GRHL2: variants seen among roughly 807,000 people sequenced by gnomAD.
GRHL2 encodes grainyhead like transcription factor 2.
In GRHL2, 21 loss-of-function variants were observed where a neutral mutation model predicts 83.8. The ratio of observed to expected loss-of-function variants is 0.25; its 90% CI spans 0.18 to 0.36. The LOEUF (loss-of-function observed/expected upper bound fraction) is 0.36, where lower values mean the gene tolerates loss of function less well. Ranked by LOEUF, GRHL2 falls within the 10% of genes least tolerant of loss-of-function variation. GRHL2 has a pLI of 1.00. For missense variants in GRHL2, 623 were observed against 781.8 expected, an observed-to-expected ratio of 0.80 and a Z score of 2.42; for synonymous variants, 280 against 278.9, an observed-to-expected ratio of 1.00 and a Z score of -0.04.
In GRHL2 at chr8:101,533,549, T is replaced by C. The variant is rs568781607; in HGVS notation, c.21-9692T>C. The stretch of plus-strand genomic sequence containing the variant: ...AGCGGAGGTAGACACACAAGGAACA[T>C]TGACCATAATAAAAAAGTAAGTTAC... On this transcript the variant is annotated intron_variant, in intron 1 of 15. Coordinates refer to ENST00000646743, the MANE Select transcript of GRHL2 (RefSeq NM_024915.4). Among the ~76,000 whole-genome samples, 100 of 152,280 alleles carry C rather than the reference T, an allele frequency of 6.6e-4. 2 individuals are homozygous for C. The South Asian group carries it at 0.019, about 30-fold the overall frequency.
At chr8:101,513,328 G>C (rs756569181) in intron 1 of GRHL2, among the ~76,000 whole-genome samples, 14 of 152,094 alleles carry the variant, frequency 9.2e-5, no homozygotes, top group Admixed American at 2.0e-4. Flanking sequence ...ATAATAGTGA[G>C]AGATCTTGCC....
chr8:101,564,940 T>C (rs1031169457), intron 4 of GRHL2, among the ~76,000 whole-genome samples: 8 of 152,100 alleles, frequency 5.3e-5, no homozygotes, highest in Non-Finnish European at 7.4e-5. Flanking sequence ...TTAGGCACTG[T>C]GGTGATGTGG....
Position 101,666,837 on chromosome 8 carries a change from G to A in GRHL2, c.*134G>A. 1.4e-6 allele frequency: 1 copy of A among 714,270 alleles called. No individual in the cohort carries two copies. The highest frequency in any genetic ancestry group is 2.6e-6 in the Non-Finnish European group (1 of 389,370). 44.2% of individuals were successfully genotyped at this position (714,270 alleles called of 1,614,324 possible). ...TGCTGTTACAAGACCGTGCTGGGGAGTGGGGCAAGGGACAGGCCCCACTGT... is the reference window on the plus strand; with the variant it reads ...TGCTGTTACAAGACCGTGCTGGGGAATGGGGCAAGGGACAGGCCCCACTGT... On this transcript the variant is annotated 3_prime_UTR_variant, in exon 16 of 16. Transcript: ENST00000646743.
At chr8:101,670,942 G>C (rs1814195115), downstream of GRHL2, among the ~76,000 whole-genome samples, 1 of 152,170 alleles carries the variant, frequency 6.6e-6, no homozygotes, top group African/African-American at 2.4e-5. Flanking sequence ...ATAGTGATCT[G>C]GAAACTTTGG....
intron 7 of GRHL2, among the ~76,000 whole-genome samples, chr8:101,593,540 C>T (rs72674246): frequency 3.2e-4 from 49 of 152,154 alleles, no homozygotes; most frequent in Non-Finnish European, 6.0e-4. Flanking sequence ...ACTATCATTG[C>T]AAAAAGAAGC....
chr8:101,510,776 C>A (rs139505655), intron 1 of GRHL2, among the ~76,000 whole-genome samples: 186 of 152,096 alleles, frequency 1.2e-3, no homozygotes, highest in African/African-American at 4.3e-3. Context: ...CATATAAGTG[C>A]GCATGCATTT....
At chr8:101,510,998 G>A (rs1166766586) in intron 1 of GRHL2, among the ~76,000 whole-genome samples, 1 of 152,104 alleles carries the variant, frequency 6.6e-6, no homozygotes, top group Non-Finnish European at 1.5e-5. Flanking sequence ...CCACTCAGGA[G>A]GCTGAGGCAA....
chr8:101,678,434 G>A, the GRHL2 span, among the ~76,000 whole-genome samples: 7,949 of 152,108 alleles, frequency 0.052, 241 homozygotes, highest in Middle Eastern at 0.14. Context: ...AGGGTCCTAC[G>A]CCCACGGAGT....
chr8:101,542,868 G>C, intron 1 of GRHL2: 1 of 458,602 alleles, frequency 2.2e-6, no homozygotes, highest in Non-Finnish European at 4.4e-6. Flanking sequence ...CCACTCCTTT[G>C]ATAATGGCAT....
chr8:101,529,504 G>C (rs374234503), intron 1 of GRHL2: 15 of 197,074 alleles, frequency 7.6e-5, no homozygotes, highest in African/African-American at 2.6e-4. Flanking sequence ...CAAACCACAA[G>C]GAAGACATTC....
intron 3 of GRHL2, among the ~76,000 whole-genome samples, chr8:101,553,484 A>T (rs62519112): frequency 0.14 from 20,682 of 152,144 alleles, 1,808 homozygotes; most frequent in South Asian, 0.26. Flanking sequence ...CCCAGGCATG[A>T]CTTTGTACCG....
intron 1 of GRHL2, among the ~76,000 whole-genome samples, chr8:101,493,844 G>A (rs1026553040): frequency 6.6e-6 from 1 of 151,906 alleles, no homozygotes; most frequent in Admixed American, 6.5e-5. Context: ...CACTGGGCCC[G>A]GTCCGGCCGC....
intron 7 of GRHL2, among the ~76,000 whole-genome samples, chr8:101,594,199 T>C (rs182060011): frequency 8.6e-5 from 13 of 151,422 alleles, no homozygotes; most frequent in Admixed American, 8.5e-4. Context: ...ACCGCTGGCA[T>C]GGCACAGCTT....
intron 2 of GRHL2, among the ~76,000 whole-genome samples, chr8:101,550,171 T>C (rs1228899514): frequency 1.2e-5 from 1 of 84,876 alleles, no homozygotes; most frequent in African/African-American, 5.2e-5. Flanking sequence ...GGGATACATA[T>C]GCAGGTCTTT....
chr8:101,630,842 T>C (rs1813172365), intron 9 of GRHL2, among the ~76,000 whole-genome samples: 1 of 152,104 alleles, frequency 6.6e-6, no homozygotes, highest in African/African-American at 2.4e-5. Context: ...AAATGAGTTC[T>C]CAAAGCTCAT....
At chr8:101,595,395 CAAA>C (rs1812372127) in intron 7 of GRHL2, among the ~76,000 whole-genome samples, 1 of 152,192 alleles carries the variant, frequency 6.6e-6, no homozygotes, top group Admixed American at 6.5e-5. Flanking sequence ...CATGTTTGAA[CAAA>C]TTTTCTTGGT....
chr8:101,492,654 C>T lies in GRHL2; in HGVS notation c.-116C>T. 1.2e-6 allele frequency: 1 copy of T among 844,044 alleles called. No individual in the cohort carries two copies. The highest frequency in any genetic ancestry group is 2.1e-6 in the Non-Finnish European group (1 of 477,546). The allele number at this position is 844,044 out of a possible 1,614,324, so 52.3% of individuals were successfully genotyped here. ...GACGGAAAAGCAGAATTACCTGTAGCTCTTGTTCTGCCATCTCGGGCGCTC... is the reference window on the plus strand; with the variant it reads ...GACGGAAAAGCAGAATTACCTGTAGTTCTTGTTCTGCCATCTCGGGCGCTC... On this transcript the variant is annotated 5_prime_UTR_variant, in exon 1 of 16. Transcript: ENST00000646743.
intron 9 of GRHL2, among the ~76,000 whole-genome samples, chr8:101,624,416 TTACACAGTAGGACAG>T (rs1039808101): frequency 1.1e-5 from 1 of 88,564 alleles, no homozygotes; most frequent in African/African-American, 4.1e-5. Context: ...ACAGTTCACA[TTACACAGTAGGACAG>T]TACACAGTAG....
chr8:101,501,209 T>C (rs751078234), intron 1 of GRHL2, among the ~76,000 whole-genome samples: 2 of 152,204 alleles, frequency 1.3e-5, no homozygotes, highest in African/African-American at 2.4e-5. Flanking sequence ...GTAGATGAAG[T>C]ACCTTATTTT....
Sources: gnomAD v4.1 joint callset for allele counts (sites outside exome capture counted in the v4.1 genomes callset) on GRCh38, gnomAD v4.1.1 for gene constraint, MANE v1.5 for transcripts, NCBI Gene and HGNC (gene_info 2026-07-23, HGNC 2026-07-21) for gene names.